Variants in ASTN2 observed in about 807,000 individuals in gnomAD.
ASTN2 encodes the protein astrotactin 2, also known as astrotactin-2.
A neutral mutation model predicts 139.8 loss-of-function variants in ASTN2; 54 were observed. That is an observed-to-expected ratio of 0.39 (90% CI 0.31 to 0.48). ASTN2 has a LOEUF of 0.48. Ranked by LOEUF, ASTN2 falls within the 20% of genes least tolerant of loss-of-function variation. ASTN2 has a pLI of 0.95. For missense variants in ASTN2, 1,565 were observed against 1,725.1 expected, an observed-to-expected ratio of 0.91 and a Z score of 1.64; for synonymous variants, 756 against 719.5, an observed-to-expected ratio of 1.05 and a Z score of -0.81.
At chr9:117,370,154 G>A (rs555563046) in intron 1 of ASTN2, among the ~76,000 whole-genome samples, 29 of 152,264 alleles carry the variant, frequency 1.9e-4, no homozygotes, top group Admixed American at 1.3e-3. Context: ...CGGGGAAAGA[G>A]AAGATGGAGA....
At chr9:117,119,672 T>C (rs1455751753) in intron 4 of ASTN2, among the ~76,000 whole-genome samples, 1 of 152,152 alleles carries the variant, frequency 6.6e-6, no homozygotes, top group African/African-American at 2.4e-5. Flanking sequence ...TCTTTTTAAA[T>C]ATAATTTTTA....
chr9:116,843,037 C>A (rs1282815558), intron 11 of ASTN2, among the ~76,000 whole-genome samples: 1 of 152,198 alleles, frequency 6.6e-6, no homozygotes, highest in Admixed American at 6.5e-5. Flanking sequence ...GCCTGGCCTC[C>A]TCTTCCTGAA....
intron 10 of ASTN2, among the ~76,000 whole-genome samples, chr9:116,882,902 C>T (rs141904956): frequency 6.6e-4 from 100 of 152,026 alleles, no homozygotes; most frequent in African/African-American, 2.2e-3. Flanking sequence ...TTCTCAGTGC[C>T]GAAGGGGGTG....
chr9:116,805,251 A>G (rs996969386), intron 13 of ASTN2, among the ~76,000 whole-genome samples: 1 of 152,124 alleles, frequency 6.6e-6, no homozygotes, highest in African/African-American at 2.4e-5. Context: ...TTTATTTTCT[A>G]CTACATTAAA....
intron 1 of ASTN2, among the ~76,000 whole-genome samples, chr9:117,320,015 T>A (rs1828279352): frequency 6.6e-6 from 1 of 152,150 alleles, no homozygotes; most frequent in African/African-American, 2.4e-5. Context: ...TTCTTTTGCC[T>A]CCTCCAAAAA....
At chr9:117,227,630 T>C (rs1023401499) in intron 2 of ASTN2, among the ~76,000 whole-genome samples, 3 of 152,172 alleles carry the variant, frequency 2.0e-5, no homozygotes, top group Non-Finnish European at 2.9e-5. Context: ...GGCTGGAAGA[T>C]ATGTAGTGAA....
At chr9:116,887,889 A>T (rs1338458900) in intron 10 of ASTN2, among the ~76,000 whole-genome samples, 1 of 152,076 alleles carries the variant, frequency 6.6e-6, no homozygotes, top group Non-Finnish European at 1.5e-5. Flanking sequence ...GCTGGTCTCG[A>T]ACTCCTGAGC....
rs1398103827 is a variant in ASTN2, at chr9:117,210,057, A to T, written c.1015+4301T>A. Among the ~76,000 whole-genome samples the T allele has an allele frequency of 8.5e-5, 13 of 152,278 alleles. No homozygotes were observed. The East Asian group carries it at 2.3e-3, about 27-fold the overall frequency. On this transcript the variant is annotated intron_variant, in intron 3 of 22. Coordinates refer to ENST00000313400, the MANE Select transcript of ASTN2 (RefSeq NM_001365068.1). ...AAAATCCATGGAACACAGCAAAAGC[A>T]GTATTAAGAGGCAAATTTATAGTAA... is the stretch of plus-strand genomic sequence containing the variant.
At chr9:117,123,439 A>C (rs775398713) in intron 4 of ASTN2, among the ~76,000 whole-genome samples, 1 of 152,146 alleles carries the variant, frequency 6.6e-6, no homozygotes, top group Non-Finnish European at 1.5e-5. Context: ...TTGCCTCGTG[A>C]GCCAAAATTT....
At chr9:116,429,159 T>C (rs750552438) in intron 22 of ASTN2, among the ~76,000 whole-genome samples, 9 of 151,886 alleles carry the variant, frequency 5.9e-5, no homozygotes, top group Non-Finnish European at 8.8e-5. Flanking sequence ...GCCAACATGG[T>C]GAAACGCTGT....
intron 1 of ASTN2, among the ~76,000 whole-genome samples, chr9:117,332,341 T>C (rs1430257849): frequency 6.6e-6 from 1 of 152,010 alleles, no homozygotes; most frequent in African/African-American, 2.4e-5. Context: ...GAGGCCAAGG[T>C]GAGTGGATCA....
At chr9:117,169,846 G>A (rs1830750760) in intron 3 of ASTN2, among the ~76,000 whole-genome samples, 1 of 152,132 alleles carries the variant, frequency 6.6e-6, no homozygotes, top group African/African-American at 2.4e-5. Flanking sequence ...GCAAGGAGGA[G>A]ATATGTAAAC....
intron 10 of ASTN2, among the ~76,000 whole-genome samples, chr9:116,877,822 G>T (rs1017122995): frequency 1.3e-5 from 2 of 151,988 alleles, no homozygotes; most frequent in African/African-American, 4.8e-5. Flanking sequence ...TGACCATTTA[G>T]TCATAGAAAT....
intron 10 of ASTN2, among the ~76,000 whole-genome samples, chr9:116,885,060 A>G (rs140054410): frequency 1.3e-5 from 2 of 152,136 alleles, no homozygotes; most frequent in African/African-American, 4.8e-5. Context: ...GGGATTAGAG[A>G]CCACCACATT....
chr9:117,112,097 T>C (rs2132789768), intron 4 of ASTN2, among the ~76,000 whole-genome samples: 1 of 152,132 alleles, frequency 6.6e-6, no homozygotes, highest in East Asian at 1.9e-4. Flanking sequence ...GTATGCAATA[T>C]ATCTTCAATG....
chr9:116,822,319 G>C (rs1394878813), intron 11 of ASTN2, among the ~76,000 whole-genome samples: 2 of 152,152 alleles, frequency 1.3e-5, no homozygotes, highest in Non-Finnish European at 2.9e-5. Context: ...GGAGAAAGTA[G>C]GTTATAAATG....
At chr9:116,953,744 A>T (rs1192573387) in intron 10 of ASTN2, among the ~76,000 whole-genome samples, 1 of 152,226 alleles carries the variant, frequency 6.6e-6, no homozygotes, top group African/African-American at 2.4e-5. Context: ...GATGGTTTAA[A>T]GCCTCAACAG....
At chr9:116,518,911 T>A (rs1390649937) in intron 19 of ASTN2, among the ~76,000 whole-genome samples, 3 of 151,800 alleles carry the variant, frequency 2.0e-5, no homozygotes, top group Non-Finnish European at 4.4e-5. Flanking sequence ...CACAAAGAGG[T>A]ACATTATATA....
intron 1 of ASTN2, among the ~76,000 whole-genome samples, chr9:117,384,559 C>T (rs1048712395): frequency 6.6e-6 from 1 of 152,142 alleles, no homozygotes; most frequent in Admixed American, 6.5e-5. Flanking sequence ...TCTTTTAATC[C>T]AACCTTGGTT....
Sources: gnomAD v4.1 joint callset for allele counts (sites outside exome capture counted in the v4.1 genomes callset) on GRCh38, gnomAD v4.1.1 for gene constraint, MANE v1.5 for transcripts, NCBI Gene and HGNC (gene_info 2026-07-23, HGNC 2026-07-21) for gene names.